The following ELSPBP1 variants were observed in gnomAD, a reference collection of about 807,000 sequenced individuals.
The protein encoded by ELSPBP1 is epididymal sperm binding protein 1.
A neutral mutation model predicts 33.3 loss-of-function variants in ELSPBP1; 38 were observed. The ratio of observed to expected loss-of-function variants is 1.14; its 90% CI spans 0.88 to 1.50. ELSPBP1 has a LOEUF of 1.50. ELSPBP1 is among the 40% of genes most tolerant of loss of function. ELSPBP1 has a pLI of 0.00. For missense variants in ELSPBP1, 267 were observed against 263.5 expected, an observed-to-expected ratio of 1.01 and a Z score of -0.09; for synonymous variants, 85 against 94.1, an observed-to-expected ratio of 0.90 and a Z score of 0.56.
chr19:47,995,508 A>G (rs1210372763), intron 1 of ELSPBP1, among the ~76,000 whole-genome samples: 4 of 152,194 alleles, frequency 2.6e-5, no homozygotes, highest in Non-Finnish European at 5.9e-5. Context: ...AAGAAAGTTG[A>G]GATTCAAAAA....
In ELSPBP1 at chr19:48,011,321, G is replaced by C. The variant is rs1018960113; in HGVS notation, c.70+2584G>C. Among the ~76,000 whole-genome samples, 67 of 151,420 alleles carry C rather than the reference G, an allele frequency of 4.4e-4. No homozygotes were observed. Among genetic ancestry groups the C allele is most frequent in the African/African-American group, 1.6e-3 (66 of 41,148 alleles). ...GACAATAATGAGGTTGATAATGATGGTGACAATGACTGATGATGATGACAA... is the reference window on the plus strand; with the variant it reads ...GACAATAATGAGGTTGATAATGATGCTGACAATGACTGATGATGATGACAA... On this transcript the variant is annotated intron_variant, in intron 2 of 6. Coordinates refer to ENST00000339841, the MANE Select transcript of ELSPBP1 (RefSeq NM_022142.5). This position sits in a 1 kb window ranked among gnomAD's most constrained non-coding sequence, Gnocchi z 4.5.
chr19:48,023,532 G>GAAGGAAGAAATGAAGGAAGT (rs1555736363), intron 6 of ELSPBP1, among the ~76,000 whole-genome samples: 1 of 108,048 alleles, frequency 9.3e-6, no homozygotes, highest in African/African-American at 3.4e-5. Flanking sequence ...AGGAAGGGAG[G>GAAGGAAGAAATGAAGGAAGT]AAGGAAAGAA....
intron 1 of ELSPBP1, among the ~76,000 whole-genome samples, chr19:48,004,910 G>A (rs553757989): frequency 1.3e-5 from 2 of 152,304 alleles, no homozygotes; most frequent in South Asian, 4.1e-4. Flanking sequence ...CATCAGGAAA[G>A]GGCCCATACT....
intron 2 of ELSPBP1, among the ~76,000 whole-genome samples, chr19:48,012,148 C>G (rs1428872913): frequency 1.3e-5 from 2 of 152,116 alleles, no homozygotes; most frequent in African/African-American, 4.8e-5. Flanking sequence ...TGTTTTCAGA[C>G]AGGGTCTCAC....
intron 2 of ELSPBP1, among the ~76,000 whole-genome samples, chr19:48,013,786 A>C (rs1455395276): frequency 6.6e-6 from 1 of 152,084 alleles, no homozygotes; most frequent in African/African-American, 2.4e-5. Context: ...AAACAATATA[A>C]ATTTCTGTCT....
Position 48,000,113 on chromosome 19 carries a change from C to T in ELSPBP1, c.-18+5302C>T, listed in dbSNP as rs571518521. 1.1e-4 allele frequency among the ~76,000 whole-genome samples: 16 copies of T among 150,898 alleles called. No homozygotes were observed. The East Asian group carries it at 2.2e-3, about 21-fold the overall frequency. On this transcript the variant is annotated intron_variant, in intron 1 of 6. Transcript: ENST00000339841. Reference sequence around the variant, plus strand: ...AGTGCTGGGATTACAGGCCTGAGCCCGCACGCCCAGCCTATGTTTACCATG... The same window carrying T: ...AGTGCTGGGATTACAGGCCTGAGCCTGCACGCCCAGCCTATGTTTACCATG...
chr19:48,002,612 G>C (rs1286276063), intron 1 of ELSPBP1, among the ~76,000 whole-genome samples: 1 of 152,192 alleles, frequency 6.6e-6, no homozygotes, highest in Non-Finnish European at 1.5e-5. Flanking sequence ...CCAACACGGT[G>C]AAACCGTGTC....
At chr19:48,022,637 A>G (rs1310150180) in intron 6 of ELSPBP1, among the ~76,000 whole-genome samples, 1 of 152,162 alleles carries the variant, frequency 6.6e-6, no homozygotes, top group African/African-American at 2.4e-5. Flanking sequence ...GGGATTGGCA[A>G]ACTTTTTCAG....
At chr19:48,019,624 T>C (rs1377924121) in intron 4 of ELSPBP1, 95 bp from the exon 5 acceptor site, 2 of 1,262,404 alleles carry the variant, frequency 1.6e-6, no homozygotes, top group African/African-American at 3.0e-5. Context: ...ACGTTGCCTT[T>C]AATGGGATAA....
At chr19:48,001,242 C>T (rs1413876360) in intron 1 of ELSPBP1, among the ~76,000 whole-genome samples, 1 of 151,260 alleles carries the variant, frequency 6.6e-6, no homozygotes, top group Non-Finnish European at 1.5e-5. Flanking sequence ...GCAATCTTGG[C>T]TCACTGCAAC....
rs921645088 is a variant in ELSPBP1, at chr19:47,994,767, G to A, written c.-62G>A. 3.9e-5 allele frequency: 6 copies of A among 152,208 alleles called. No individual in the cohort carries two copies. Among genetic ancestry groups the A allele is most frequent in the African/African-American group, 1.4e-4 (6 of 41,450 alleles). The allele number at this position is 152,208 out of a possible 1,614,324, so 9.4% of individuals were successfully genotyped here. A position where few individuals can be genotyped will look rare whatever the true frequency, so the allele number is the denominator to read the frequency against. On this transcript the variant is annotated 5_prime_UTR_variant, in exon 1 of 7. Coordinates refer to ENST00000339841, the MANE Select transcript of ELSPBP1 (RefSeq NM_022142.5). ...GAGCTCTTGGGAGCAGAACCTTAAA[G>A]AGAGATCGTGGAGAGAGCCAGGGCC...
At chr19:48,006,644 A>AAG (rs1967022647) in intron 1 of ELSPBP1, among the ~76,000 whole-genome samples, 2 of 147,398 alleles carry the variant, frequency 1.4e-5, no homozygotes, top group African/African-American at 2.5e-5. Flanking sequence ...AAAAAAAAAA[A>AAG]AAAGAAAAGA....
In ELSPBP1 at chr19:48,014,182, G is replaced by C; in HGVS notation, c.82G>C (p.Glu28Gln). ...SYESSGGMHE[E>Q]CVFPFTYKGS... ...CTTCTGCCCTTCAGGGATGCATGAG[G>C]AATGTGTCTTTCCTTTCACCTACAA... The change falls in exon 3 of 7, where the codon GAA becomes CAA. Residue 28 changes from glutamate to glutamine, a missense_variant. By Grantham distance (29) the Glu-to-Gln change is conservative. Coordinates refer to ENST00000339841, the MANE Select transcript of ELSPBP1 (RefSeq NM_022142.5). The C allele has an allele frequency of 1.2e-6, 2 of 1,613,488 alleles. No individual in the cohort carries two copies. The highest frequency in any genetic ancestry group is 8.5e-7 in the Non-Finnish European group (1 of 1,179,666).
chr19:48,021,756 T>C (rs1015439031), intron 5 of ELSPBP1, among the ~76,000 whole-genome samples: 2 of 152,002 alleles, frequency 1.3e-5, no homozygotes, highest in Admixed American at 1.3e-4. Context: ...AGCCACATTT[T>C]ATATTTTAGA....
intron 2 of ELSPBP1, among the ~76,000 whole-genome samples, chr19:48,013,206 G>A (rs1288489107): frequency 6.6e-6 from 1 of 152,152 alleles, no homozygotes; most frequent in Non-Finnish European, 1.5e-5. Context: ...TTTGTGTAAT[G>A]TCATTGGCCC....
intron 1 of ELSPBP1, among the ~76,000 whole-genome samples, chr19:47,997,838 T>G (rs1049412318): frequency 2.0e-5 from 3 of 152,264 alleles, no homozygotes; most frequent in African/African-American, 7.2e-5. Flanking sequence ...GGTATATACA[T>G]AATTAAATTG....
intron 1 of ELSPBP1, among the ~76,000 whole-genome samples, chr19:48,001,384 T>C (rs947155706): frequency 1.0e-4 from 15 of 150,430 alleles, no homozygotes; most frequent in Non-Finnish European, 2.1e-4. Flanking sequence ...GGTTTCACCA[T>C]GTTGGCCAGC....
rs1041191567 is a variant in ELSPBP1, at chr19:48,014,389, T to C, written c.208+81T>C. 4 of 1,494,420 alleles carry C rather than the reference T, an allele frequency of 2.7e-6. No individual in the cohort carries two copies. The South Asian group carries it at 3.8e-5, about 14-fold the overall frequency. The allele number at this position is 1,494,420 out of a possible 1,614,324, so 92.6% of individuals were successfully genotyped here. Reference sequence around the variant, plus strand: ...AGAGAATGTGTGACTGTCTATGACATGATCACATTTTTGCAGACAAACGGT... The same window carrying C: ...AGAGAATGTGTGACTGTCTATGACACGATCACATTTTTGCAGACAAACGGT... On this transcript the variant is annotated intron_variant, in intron 3 of 6. Transcript: ENST00000339841.
chr19:48,012,690 T>C (rs10411797), intron 2 of ELSPBP1, among the ~76,000 whole-genome samples: 25,510 of 152,188 alleles, frequency 0.17, 2,212 homozygotes, highest in South Asian at 0.23. Flanking sequence ...CTGTACTCAT[T>C]GAGAAGAATA....
Sources: gnomAD v4.1 joint callset for allele counts (sites outside exome capture counted in the v4.1 genomes callset) on GRCh38, gnomAD v4.1.1 for gene constraint, Gnocchi (gnomAD v3.1) non-coding constraint, MANE v1.5 for transcripts, NCBI Gene and HGNC (gene_info 2026-07-23, HGNC 2026-07-21) for gene names.